Variants in OTUD7A observed in about 807,000 individuals in gnomAD.
OTUD7A encodes the protein OTU domain-containing protein 7A.
A neutral mutation model predicts 65.7 loss-of-function variants in OTUD7A; 12 were observed. The ratio of observed to expected loss-of-function variants is 0.18; its 90% confidence interval spans 0.12 to 0.30. The LOEUF (loss-of-function observed/expected upper bound fraction) is 0.30, where lower values mean the gene tolerates loss of function less well. Among genes scored for constraint, OTUD7A ranks in the 10% least tolerant of loss-of-function variants. The pLI is 1.00. For synonymous variants in OTUD7A, 641 were observed against 586.3 expected, an observed-to-expected ratio of 1.09 and a Z score of -1.35; for missense variants, 1,148 against 1,304.8, an observed-to-expected ratio of 0.88 and a Z score of 1.85.
intron 1 of OTUD7A, chr15:31,689,279 C>T: frequency 6.6e-6 from 1 of 150,398 alleles, no homozygotes; most frequent in Non-Finnish European, 1.5e-5. Context: ...CACAGAACCA[C>T]TACCAGCTCT....
chr15:31,484,434 G>C lies in OTUD7A; in HGVS notation c.1662C>G (p.Asn554Lys), dbSNP rs376166961. The C allele has an allele frequency of 6.2e-7, 1 of 1,603,256 alleles. No homozygotes were observed. Among genetic ancestry groups the C allele is most frequent in the Non-Finnish European group, 8.5e-7 (1 of 1,179,896 alleles). Residue 554 changes from asparagine to lysine, a missense_variant, in exon 13 of 13, where the codon AAC becomes AAG. By Grantham distance (94) the Asn-to-Lys change is moderately conservative. Around this residue, in one of 6 missense-constraint regions of OTUD7A, gnomAD observed 842 missense variants for 769.5 expected, o/e 1.09. Transcript: ENST00000307050. This position sits in a 1 kb window ranked among gnomAD's most constrained non-coding sequence, Gnocchi z 4.5. ...AGTCCCCGTTCTTGCCATTGGCGGAGTTGGCGCGGCCCATCTTGCCGTGCA... is the reference window on the plus strand; with the variant it reads ...AGTCCCCGTTCTTGCCATTGGCGGACTTGGCGCGGCCCATCTTGCCGTGCA... ...GLVHGKMGRA[N>K]SANGKNGDSA...
At chr15:31,649,370 C>T (rs1371258120) in intron 3 of OTUD7A, among the ~76,000 whole-genome samples, 1 of 152,184 alleles carries the variant, frequency 6.6e-6, no homozygotes, top group African/African-American at 2.4e-5. Context: ...CCTCCCTCTG[C>T]TGTACTGTGA....
intron 1 of OTUD7A, among the ~76,000 whole-genome samples, chr15:31,675,450 A>C (rs1460600576): frequency 1.3e-5 from 2 of 152,222 alleles, no homozygotes; most frequent in African/African-American, 4.8e-5. Context: ...TGAGGAGAAA[A>C]ACCATACGGT....
chr15:31,817,464 G>T (rs968399098), intron 1 of OTUD7A, among the ~76,000 whole-genome samples: 1 of 152,102 alleles, frequency 6.6e-6, no homozygotes, highest in African/African-American at 2.4e-5. Flanking sequence ...GCTCCATCCA[G>T]AAATTCAATA....
intron 1 of OTUD7A, among the ~76,000 whole-genome samples, chr15:31,758,728 C>A (rs1361982391): frequency 2.0e-5 from 3 of 151,522 alleles, no homozygotes; most frequent in Non-Finnish European, 4.4e-5. Context: ...CTAATGGCTT[C>A]TTTGACATCT....
chr15:31,797,347 C>T (rs938313941), intron 1 of OTUD7A, among the ~76,000 whole-genome samples: 3 of 152,228 alleles, frequency 2.0e-5, no homozygotes, highest in Non-Finnish European at 4.4e-5. Flanking sequence ...GACCTTCCTT[C>T]TTTAGGTTCC....
rs1027617204 is a variant in OTUD7A at position 31,602,555 on chromosome 15, T to C, written c.152-32358A>G. 4.6e-5 allele frequency among the ~76,000 whole-genome samples: 7 copies of C among 152,306 alleles called. No individual in the cohort carries two copies. The East Asian group carries it at 1.3e-3, about 29-fold the overall frequency. ...TTTGAAAACCAGCACAAGACAAGGATGCCCTCTTCACCATTCCTATTCAAC... is the reference window on the plus strand; with the variant it reads ...TTTGAAAACCAGCACAAGACAAGGACGCCCTCTTCACCATTCCTATTCAAC... On this transcript the variant is annotated intron_variant, in intron 3 of 12. Coordinates refer to ENST00000307050, the MANE Select transcript of OTUD7A (RefSeq NM_001382637.1).
chr15:31,792,968 T>A (rs542545618), intron 1 of OTUD7A, among the ~76,000 whole-genome samples: 15 of 152,256 alleles, frequency 9.9e-5, no homozygotes, highest in Admixed American at 3.9e-4. Context: ...CTCATCCTCC[T>A]CACCGCCGGC....
intron 10 of OTUD7A, among the ~76,000 whole-genome samples, chr15:31,495,996 G>A (rs1172869243): frequency 6.6e-6 from 1 of 150,908 alleles, no homozygotes; most frequent in East Asian, 2.0e-4. Context: ...AGCCTGGGAG[G>A]TGGAGGTTGC....
chr15:31,592,368 A>G (rs1005589347), intron 3 of OTUD7A, among the ~76,000 whole-genome samples: 1 of 148,782 alleles, frequency 6.7e-6, no homozygotes, highest in Non-Finnish European at 1.5e-5. Flanking sequence ...TCCTTATTCT[A>G]TAATCTTTTT....
At chr15:31,506,795 G>A (rs1179981626) in intron 8 of OTUD7A, among the ~76,000 whole-genome samples, 2 of 152,208 alleles carry the variant, frequency 1.3e-5, no homozygotes, top group African/African-American at 4.8e-5. Context: ...ATTGTCCTCA[G>A]GGGCTGACCC....
intron 3 of OTUD7A, chr15:31,649,780 G>A (rs923197104): frequency 1.6e-4 from 70 of 444,410 alleles, no homozygotes; most frequent in Middle Eastern, 3.7e-4. Flanking sequence ...CCTGGACAGC[G>A]TGCAGGCAGC....
At position 31,851,515 on chromosome 15, in the gene OTUD7A, G is replaced by A. The variant is rs59059210; in HGVS notation, c.-100+18992C>T. On this transcript the variant is annotated intron_variant, in intron 1 of 12. Coordinates refer to ENST00000307050, the MANE Select transcript of OTUD7A (RefSeq NM_001382637.1). ...TCAAGTAACCCAAAAAGATCAAGAC[G>A]GCTAATTTTCCAAGATATCACACAT... Among the ~76,000 whole-genome samples, 482 of 152,262 alleles carry A rather than the reference G, an allele frequency of 3.2e-3. 15 individuals are homozygous for A. In the East Asian group the frequency reaches 0.08, roughly 25 times the overall value.
chr15:31,856,658 G>A lies in OTUD7A; in HGVS notation c.-100+13849C>T, dbSNP rs181725999. ...AGCAAAGTGAAGCTCACTCAGGACCGGCTTCTTCTCAACCCCTCCTCGCCA... is the reference window on the plus strand; with the variant it reads ...AGCAAAGTGAAGCTCACTCAGGACCAGCTTCTTCTCAACCCCTCCTCGCCA... On this transcript the variant is annotated intron_variant, in intron 1 of 12. Transcript: ENST00000307050. Among the ~76,000 whole-genome samples the A allele has an allele frequency of 3.0e-4, 46 of 152,220 alleles. No individual in the cohort carries two copies. In the East Asian group the frequency reaches 8.9e-3, roughly 29 times the overall value.
At chr15:31,609,855 C>T (rs932006377) in intron 3 of OTUD7A, among the ~76,000 whole-genome samples, 1 of 152,240 alleles carries the variant, frequency 6.6e-6, no homozygotes. Context: ...CAGGTGCTGG[C>T]ATCCATCGCT....
chr15:31,789,980 G>A (rs912817089), intron 1 of OTUD7A, among the ~76,000 whole-genome samples: 3 of 152,172 alleles, frequency 2.0e-5, no homozygotes, highest in Non-Finnish European at 4.4e-5. Flanking sequence ...CCAGAGCGGG[G>A]AGACTGGCTG....
intron 1 of OTUD7A, among the ~76,000 whole-genome samples, chr15:31,847,516 C>T (rs1282292745): frequency 6.6e-6 from 1 of 152,126 alleles, no homozygotes; most frequent in Non-Finnish European, 1.5e-5. Flanking sequence ...CTCTGACTCC[C>T]ACATCTACTG....
intron 1 of OTUD7A, among the ~76,000 whole-genome samples, chr15:31,861,475 A>C (rs1897739575): frequency 6.6e-6 from 1 of 152,142 alleles, no homozygotes; most frequent in African/African-American, 2.4e-5. Context: ...TGCTTGCCAG[A>C]TTGTAAATGG....
intron 1 of OTUD7A, among the ~76,000 whole-genome samples, chr15:31,702,701 C>T (rs1038478574): frequency 6.6e-6 from 1 of 151,884 alleles, no homozygotes; most frequent in Non-Finnish European, 1.5e-5. Context: ...AATTGACAGA[C>T]AATTCCTGTC....
Sources: gnomAD v4.1 joint callset for allele counts (sites outside exome capture counted in the v4.1 genomes callset) on GRCh38, gnomAD v4.1.1 for gene constraint, gnomAD v4.1.1 regional missense constraint, Gnocchi (gnomAD v3.1) non-coding constraint, MANE v1.5 for transcripts, NCBI Gene and HGNC (gene_info 2026-07-23, HGNC 2026-07-21) for gene names.